Variants in TUBGCP2 observed in about 807,000 individuals in gnomAD.
TUBGCP2 encodes gamma-tubulin complex component 2.
Under a neutral mutation model 92.2 loss-of-function variants are expected in TUBGCP2, and 55 were observed. The observed-to-expected ratio is 0.60, with a 90% CI of 0.48 to 0.75. TUBGCP2 has a LOEUF of 0.75. Among genes scored for constraint, TUBGCP2 ranks in the 30% least tolerant of loss-of-function variants. The probability of loss-of-function intolerance (pLI) is 0.00; values close to 1 mark genes in which losing one functional copy is unlikely to be tolerated. For missense variants in TUBGCP2, 1,093 were observed against 1,188.9 expected (o/e 0.92, Z 1.19); for synonymous variants, 533 against 505.2 (o/e 1.06, Z -0.74).
At chr10:133,302,620 AG>A (rs1267478296) in intron 2 of TUBGCP2, 171 bp downstream of exon 2, 3 of 714,742 alleles carry the variant, frequency 4.2e-6, no homozygotes, top group Non-Finnish European at 6.8e-6. Flanking sequence ...ACCCTGACCC[AG>A]GGGTGGGCTC....
chr10:133,294,587 T>A (rs946437379), intron 5 of TUBGCP2, among the ~76,000 whole-genome samples: 1 of 149,640 alleles, frequency 6.7e-6, no homozygotes, highest in African/African-American at 2.5e-5. Flanking sequence ...TCAATCCTGA[T>A]GCAGATCCAC....
chr10:133,289,592 C>G (rs1440926535), intron 9 of TUBGCP2, among the ~76,000 whole-genome samples: 1 of 152,148 alleles, frequency 6.6e-6, no homozygotes, highest in Non-Finnish European at 1.5e-5. Context: ...GGACAGAGTC[C>G]CGGAGATGGA....
At chr10:133,304,908 C>T (rs1328099613) in intron 1 of TUBGCP2, among the ~76,000 whole-genome samples, 1 of 152,166 alleles carries the variant, frequency 6.6e-6, no homozygotes, top group Non-Finnish European at 1.5e-5. Flanking sequence ...GCTCCTTGGT[C>T]TAGCGGTGAT....
chr10:133,292,629 T>C lies in TUBGCP2; in HGVS notation c.1084A>G (p.Arg362Gly). Residue 362 changes from arginine to glycine, a missense_variant, in exon 8 of 18, where the codon AGG (arginine) becomes GGG (glycine). By Grantham distance (125) the Arg-to-Gly change is moderately radical. Coordinates refer to ENST00000252936, the MANE Select transcript of TUBGCP2 (RefSeq NM_006659.4). ...GGSTLSLLHDRSFSYTGDSQA... is the reference protein window; with the variant it reads ...GGSTLSLLHDGSFSYTGDSQA... ...CTGTCCCCTGTGTAGCTGAAGCTCC[T>C]GTCGTGGAGCAGGCTCAGCGTGGAC... 6.2e-7 allele frequency: 1 copy of C among 1,614,166 alleles called. No homozygotes were observed. The highest frequency in any genetic ancestry group is 8.5e-7 in the Non-Finnish European group (1 of 1,180,004).
At chr10:133,297,203 AC>A in intron 5 of TUBGCP2, 1 of 301,128 alleles carries the variant, frequency 3.3e-6, no homozygotes, top group Admixed American at 4.9e-5. Flanking sequence ...GGAGTTCGAG[AC>A]CAGTCTGGCC....
intron 8 of TUBGCP2, among the ~76,000 whole-genome samples, chr10:133,291,236 G>GCCCTCCGTGT (rs1434816049): frequency 7.0e-5 from 8 of 114,480 alleles, no homozygotes; most frequent in Admixed American, 2.5e-4. Context: ...GGCAGCACGC[G>GCCCTCCGTGT]CCCTCCGTGT....
At chr10:133,280,849 C>T (rs1846949811) in intron 17 of TUBGCP2, among the ~76,000 whole-genome samples, 1 of 143,528 alleles carries the variant, frequency 7.0e-6, no homozygotes, top group South Asian at 2.3e-4. Flanking sequence ...CTGGGCTGAG[C>T]TGGGGGAAGG....
rs112935688 is a variant in TUBGCP2, at chr10:133,305,771, G to A, written c.-39-2791C>T. ...GTATCTCCGAAAATGGAAGGAGAGC[G>A]ATAAGAAGGCATGGTGCTGAGTTGC... On this transcript the variant is annotated intron_variant, in intron 1 of 17. Coordinates refer to ENST00000252936, the MANE Select transcript of TUBGCP2 (RefSeq NM_006659.4). 4.2e-3 allele frequency among the ~76,000 whole-genome samples: 639 copies of A among 152,280 alleles called. 3 individuals are homozygous for A. Among genetic ancestry groups the A allele is most frequent in the African/African-American group, 0.014 (580 of 41,538 alleles).
chr10:133,284,794 C>T lies in TUBGCP2; in HGVS notation c.2024+291G>A, dbSNP rs199824513. Among the ~76,000 whole-genome samples, 27 of 152,346 alleles carry T rather than the reference C, an allele frequency of 1.8e-4. No individual in the cohort carries two copies. The East Asian group carries it at 4.2e-3, about 24-fold the overall frequency. ...CGGGAGGAGCTAGTGTCCTGCACAC[C>T]GACCTGGGCAGTCTCCATGCCCGTG... On this transcript the variant is annotated intron_variant, in intron 13 of 17. Transcript: ENST00000252936.
At chr10:133,293,916 C>A in intron 5 of TUBGCP2, 147 bp from the exon 6 acceptor site, 1 of 848,996 alleles carries the variant, frequency 1.2e-6, no homozygotes, top group Non-Finnish European at 1.8e-6. Flanking sequence ...TTTGACTGAC[C>A]CCACTGGGGA....
upstream of TUBGCP2, chr10:133,308,910 G>C (rs865926353): frequency 4.1e-6 from 5 of 1,209,724 alleles, no homozygotes; most frequent in Middle Eastern, 3.3e-4. Context: ...CGCGGACGGT[G>C]GCCGACAGGC....
In TUBGCP2 at chr10:133,285,471, G is replaced by GA. The variant is rs781214739; in HGVS notation, c.1879dup (p.Ser627PhefsTer74). 2.5e-6 allele frequency: 4 copies of GA among 1,613,488 alleles called. No individual in the cohort carries two copies. Among genetic ancestry groups the GA allele is most frequent in the Non-Finnish European group, 3.4e-6 (4 of 1,179,840 alleles). On this transcript the variant is annotated frameshift_variant, in exon 12 of 18. Coordinates refer to ENST00000252936, the MANE Select transcript of TUBGCP2 (RefSeq NM_006659.4). LOFTEE classifies it high-confidence loss of function. This position sits in a 1 kb window ranked among gnomAD's most constrained non-coding sequence, Gnocchi z 6.8. ...CGACCCGCACCTGTTGATGATGAGC[G>GA]AAAGGGGCCACTTGACGATGTAGTC...
intron 5 of TUBGCP2, among the ~76,000 whole-genome samples, chr10:133,294,859 C>T (rs1354144352): frequency 6.6e-6 from 1 of 151,698 alleles, no homozygotes; most frequent in Non-Finnish European, 1.5e-5. Context: ...ACTTCAAATT[C>T]CATTTCTTTC....
At chr10:133,305,999 G>A (rs2136143471) in intron 1 of TUBGCP2, among the ~76,000 whole-genome samples, 1 of 152,364 alleles carries the variant, frequency 6.6e-6, no homozygotes, top group East Asian at 1.9e-4. Context: ...AGCTGTGGTA[G>A]AGAGAAGTGA....
rs200444770 is a variant in TUBGCP2 at position 133,279,829 on chromosome 10, G to A, written c.2646C>T (p.Pro882=). The A allele has an allele frequency of 6.3e-7, 1 of 1,595,454 alleles. No individual in the cohort carries two copies. The highest frequency in any genetic ancestry group is 1.3e-5 in the African/African-American group (1 of 74,484). ...LSAERSQKAT[P]QVPVLRGPPA... is the part of the protein sequence containing the mutation. Reference sequence around the variant, plus strand: ...GGGGCCCCCGCAGGACAGGCACTTGGGGGGTGGCCTTCTGGCTCCTCTCTG... The same window carrying A: ...GGGGCCCCCGCAGGACAGGCACTTGAGGGGTGGCCTTCTGGCTCCTCTCTG... Residue 882 remains proline, a synonymous_variant, in exon 18 of 18, where the codon CCC becomes CCT. Coordinates refer to ENST00000252936, the MANE Select transcript of TUBGCP2 (RefSeq NM_006659.4).
At chr10:133,309,331 T>C, upstream of TUBGCP2, 1 of 1,572,744 alleles carries the variant, frequency 6.4e-7, no homozygotes, top group Non-Finnish European at 8.6e-7. Flanking sequence ...GGGCGAGGCC[T>C]GACGCGGTGG....
intron 5 of TUBGCP2, chr10:133,295,791 T>C (rs2136129950): frequency 6.6e-6 from 1 of 152,462 alleles, no homozygotes; most frequent in Admixed American, 6.5e-5. Flanking sequence ...TCCACAGCTG[T>C]TTTCCAGAGG....
intron 1 of TUBGCP2, among the ~76,000 whole-genome samples, chr10:133,307,019 G>A (rs1033841721): frequency 4.6e-5 from 7 of 152,270 alleles, no homozygotes; most frequent in Non-Finnish European, 8.8e-5. Flanking sequence ...TCACGGTCAT[G>A]GAAGGGTGCT....
In TUBGCP2 at chr10:133,279,477, G is replaced by C. The variant is rs868479989; in HGVS notation, c.*289C>G. ...CCACATGCATCTTTGCTTGCTCCTGGCTTAAACACCATGTATTTCCACTTT... is the reference window on the plus strand; with the variant it reads ...CCACATGCATCTTTGCTTGCTCCTGCCTTAAACACCATGTATTTCCACTTT... On this transcript the variant is annotated 3_prime_UTR_variant, in exon 18 of 18. Coordinates refer to ENST00000252936, the MANE Select transcript of TUBGCP2 (RefSeq NM_006659.4). 2 of 428,090 alleles carry C rather than the reference G, an allele frequency of 4.7e-6. No individual in the cohort carries two copies. Among genetic ancestry groups the C allele is most frequent in the Non-Finnish European group, 8.3e-6 (2 of 242,342 alleles). The allele number at this position is 428,090 out of a possible 1,614,324, so 26.5% of individuals were successfully genotyped here.
Sources: allele counts gnomAD v4.1 joint callset (sites outside exome capture counted in the v4.1 genomes callset), GRCh38; gene constraint gnomAD v4.1.1; non-coding constraint Gnocchi (gnomAD v3.1); transcripts MANE v1.5; gene names NCBI Gene and HGNC (gene_info 2026-07-23, HGNC 2026-07-21).